Variants in EXT2 observed in about 807,000 individuals in gnomAD.
EXT2 encodes exostosin glycosyltransferase 2.
A neutral mutation model predicts 81.6 loss-of-function variants in EXT2; 53 were observed. The observed-to-expected ratio is 0.65, with a 90% CI of 0.52 to 0.82. EXT2 has a LOEUF of 0.82. EXT2 is among the 40% of genes least tolerant of loss of function. The probability of loss-of-function intolerance (pLI) is 0.00; values close to 1 mark genes in which losing one functional copy is unlikely to be tolerated. For synonymous variants in EXT2, 320 were observed against 340.0 expected (o/e 0.94, Z 0.65); for missense variants, 774 against 910.2 (o/e 0.85, Z 1.93).
chr11:44,159,570 C>A (rs773735408), intron 7 of EXT2, among the ~76,000 whole-genome samples: 6 of 152,090 alleles, frequency 3.9e-5, no homozygotes, highest in Non-Finnish European at 8.8e-5. Flanking sequence ...CCATTAGAAC[C>A]TTTAGCATAT....
rs759881903 is a variant in EXT2 at position 44,232,383 on chromosome 11, G to T, written c.1693G>T (p.Gly565Cys). 6.2e-7 allele frequency: 1 copy of T among 1,613,962 alleles called. No individual in the cohort carries two copies. The highest frequency in any genetic ancestry group is 8.5e-7 in the Non-Finnish European group (1 of 1,179,958). Residue 565 changes from glycine to cysteine, a missense_variant, in exon 11 of 14, where the codon GGT becomes TGT. Gly to Cys is a radical substitution (Grantham distance 159). This residue lies in a region of EXT2 where 148 missense variants were observed against 239.7 expected (regional missense o/e 0.62). Transcript: ENST00000533608. ...VWREFPDRLV[G>C]YPGRLHLWDH... ...GCGGGAATTTCCTGACCGGTTGGTG[G>T]GTTACCCGGGTCGTCTGCATCTCTG... is the stretch of plus-strand genomic sequence containing the variant.
intron 10 of EXT2, among the ~76,000 whole-genome samples, chr11:44,229,839 A>C (rs185253123): frequency 4.5e-4 from 68 of 152,264 alleles, no homozygotes; most frequent in African/African-American, 1.6e-3. Flanking sequence ...CTTTTTACTC[A>C]CTGAGATTCT....
chr11:44,152,977 T>C (rs1050106415), intron 7 of EXT2, among the ~76,000 whole-genome samples: 4 of 152,214 alleles, frequency 2.6e-5, no homozygotes, highest in Admixed American at 6.5e-5. Flanking sequence ...CTGACTTTGT[T>C]CTTCAATATT....
intron 9 of EXT2, among the ~76,000 whole-genome samples, chr11:44,202,334 G>A (rs972303260): frequency 1.3e-5 from 2 of 152,180 alleles, no homozygotes; most frequent in Admixed American, 1.3e-4. Context: ...TTCGCCAATT[G>A]TAAGTCCAGA....
rs766866526 is a variant in EXT2 at position 44,124,857 on chromosome 11, C to A, written c.812C>A (p.Ala271Asp). ...LHPEYREDLE[A>D]LQVKHGESVL... ...CCTGAGTACAGAGAGGACCTAGAAG[C>A]CCTCCAGGTCAAACATGGAGAGTCA... The change falls in exon 5 of 14, where the codon GCC becomes GAC. Residue 271 changes from alanine (A) to aspartate (D), a missense_variant. Ala to Asp is a moderately radical substitution (Grantham distance 126, BLOSUM62 -2). Transcript: ENST00000533608. 1.2e-6 allele frequency: 2 copies of A among 1,614,064 alleles called. No homozygotes were observed. Among genetic ancestry groups the A allele is most frequent in the Non-Finnish European group, 1.7e-6 (2 of 1,179,990 alleles).
chr11:44,153,042 G>A (rs925756284), intron 7 of EXT2, among the ~76,000 whole-genome samples: 1 of 152,126 alleles, frequency 6.6e-6, no homozygotes, highest in Non-Finnish European at 1.5e-5. Flanking sequence ...TCAGTTTGTT[G>A]ATAGCCACAA....
chr11:44,205,691 CCTACTGACTTTCCCT>C (rs1293855069), intron 9 of EXT2, among the ~76,000 whole-genome samples: 5 of 152,208 alleles, frequency 3.3e-5, no homozygotes, highest in Admixed American at 6.5e-5. Context: ...CAGCTTTTCT[CCTACTGACTTTCCCT>C]CTATCATACT....
At chr11:44,157,694 C>G (rs1012581285) in intron 7 of EXT2, among the ~76,000 whole-genome samples, 115 of 152,136 alleles carry the variant, frequency 7.6e-4, no homozygotes, top group Non-Finnish European at 2.5e-4. Context: ...GATAAGACCC[C>G]AAAGTCTACT....
At chr11:44,234,052 T>C (rs1590667695) in intron 11 of EXT2, 63 bp from the exon 12 acceptor site, 2 of 1,611,668 alleles carry the variant, frequency 1.2e-6, no homozygotes, top group East Asian at 4.5e-5. Context: ...ATGCTGCCCC[T>C]TATTTATCAG....
chr11:44,144,237 C>T (rs746870410), intron 7 of EXT2: 8 of 1,594,602 alleles, frequency 5.0e-6, no homozygotes, highest in South Asian at 2.2e-5. Flanking sequence ...GTTTCCAATT[C>T]ACCTTTCAGC....
At chr11:44,126,496 T>G (rs1164360430) in intron 5 of EXT2, among the ~76,000 whole-genome samples, 2 of 152,204 alleles carry the variant, frequency 1.3e-5, no homozygotes, top group Non-Finnish European at 2.9e-5. Flanking sequence ...CACTAGGGCC[T>G]AAAGAGACCC....
intron 7 of EXT2, among the ~76,000 whole-genome samples, chr11:44,151,853 T>C (rs921914035): frequency 2.0e-5 from 3 of 152,246 alleles, no homozygotes; most frequent in African/African-American, 7.2e-5. Context: ...ACAGTTCCTG[T>C]TGCCCTACAT....
rs1333825961 is a variant in EXT2 at position 44,232,496 on chromosome 11, G to C, written c.1806G>C (p.Lys602Asn). The part of the protein sequence containing the change: ...MVLTGAAFYH[K>N]YFNYLYTYKM... The stretch of plus-strand genomic sequence containing the variant: ...TCACTGGGGCAGCTTTTTATCACAA[G>C]GTAAGGGGGCGCAGTCCTGGCAAGG... Residue 602 changes from lysine (K) to asparagine (N), a missense_variant and splice_region_variant, in exon 11 of 14, where the codon AAG (lysine) becomes AAC (asparagine). Physicochemically the swap from Lys to Asn is moderately conservative, Grantham distance 94. This residue lies in a region of EXT2 where 148 missense variants were observed against 239.7 expected (regional missense o/e 0.62). Transcript: ENST00000533608. The C allele has an allele frequency of 1.2e-6, 2 of 1,613,746 alleles. No homozygotes were observed.
At chr11:44,212,629 A>G (rs1955664385) in intron 10 of EXT2, among the ~76,000 whole-genome samples, 1 of 152,210 alleles carries the variant, frequency 6.6e-6, no homozygotes, top group South Asian at 2.1e-4. Context: ...AAAGAAATAT[A>G]TATGTGCAGA....
At chr11:44,164,807 A>G (rs1177179144) in intron 7 of EXT2, among the ~76,000 whole-genome samples, 1 of 152,006 alleles carries the variant, frequency 6.6e-6, no homozygotes, top group Admixed American at 6.5e-5. Flanking sequence ...TAACTCTTCA[A>G]CTGTGTACCT....
chr11:44,171,807 A>T, intron 8 of EXT2, 65 bp downstream of exon 8: 1 of 1,598,966 alleles, frequency 6.3e-7, no homozygotes, highest in Non-Finnish European at 8.5e-7. Context: ...TGGAAGGAAA[A>T]ATGTACTACA....
chr11:44,160,547 T>C (rs1312870642), intron 7 of EXT2, among the ~76,000 whole-genome samples: 1 of 152,110 alleles, frequency 6.6e-6, no homozygotes, highest in Non-Finnish European at 1.5e-5. Flanking sequence ...AACAAAGTAA[T>C]GATCATGTGT....
chr11:44,137,641 A>G (rs554378223), intron 7 of EXT2, among the ~76,000 whole-genome samples: 1 of 152,234 alleles, frequency 6.6e-6, no homozygotes, highest in African/African-American at 2.4e-5. Context: ...CTGTAGGCAA[A>G]TACAGTTGAG....
chr11:44,131,516 G>A (rs1057110556), intron 7 of EXT2, among the ~76,000 whole-genome samples: 1 of 152,244 alleles, frequency 6.6e-6, no homozygotes, highest in East Asian at 1.9e-4. Flanking sequence ...AACGCAAATC[G>A]CAGGTTAGTT....
Sources: gnomAD v4.1 joint callset for allele counts (sites outside exome capture counted in the v4.1 genomes callset) on GRCh38, gnomAD v4.1.1 for gene constraint, gnomAD v4.1.1 regional missense constraint, MANE v1.5 for transcripts, NCBI Gene and HGNC (gene_info 2026-07-23, HGNC 2026-07-21) for gene names.